Variants in CNTNAP2 observed in about 807,000 individuals in gnomAD.
CNTNAP2 encodes contactin-associated protein-like 2.
In CNTNAP2, 98 loss-of-function variants were observed where a neutral mutation model predicts 155.2. That is an observed-to-expected ratio of 0.63 (90% CI 0.54 to 0.75). CNTNAP2 has a LOEUF of 0.75. CNTNAP2 is among the 30% of genes least tolerant of loss of function. The pLI, the probability that CNTNAP2 is intolerant of heterozygous loss-of-function variation, is 0.00. For missense variants in CNTNAP2, 1,727 were observed against 1,688.1 expected (o/e 1.02, Z -0.40); for synonymous variants, 651 against 631.2 (o/e 1.03, Z -0.47).
At chr7:146,594,798 A>T (rs953889414) in intron 1 of CNTNAP2, among the ~76,000 whole-genome samples, 1 of 152,174 alleles carries the variant, frequency 6.6e-6, no homozygotes, top group Non-Finnish European at 1.5e-5. Flanking sequence ...ATATACTGAT[A>T]AATATTTAAT....
chr7:148,177,137 A>C (rs1794950647), intron 18 of CNTNAP2, among the ~76,000 whole-genome samples: 1 of 152,210 alleles, frequency 6.6e-6, no homozygotes, highest in Non-Finnish European at 1.5e-5. Context: ...TTCGTGGTTG[A>C]ATGCCATAGT....
chr7:148,034,985 G>A (rs71532713), intron 15 of CNTNAP2, among the ~76,000 whole-genome samples: 1 of 152,176 alleles, frequency 6.6e-6, no homozygotes, highest in Non-Finnish European at 1.5e-5. Flanking sequence ...TCATGCCCTA[G>A]GGCTTTATGG....
intron 13 of CNTNAP2, among the ~76,000 whole-genome samples, chr7:147,648,451 G>A (rs1292362737): frequency 6.6e-6 from 1 of 152,112 alleles, no homozygotes; most frequent in Non-Finnish European, 1.5e-5. Context: ...CTTACTGAAG[G>A]CTACCATATT....
chr7:147,528,436 C>T (rs576750033), intron 11 of CNTNAP2, among the ~76,000 whole-genome samples: 6 of 152,280 alleles, frequency 3.9e-5, no homozygotes, highest in African/African-American at 1.4e-4. Flanking sequence ...AGAGCATGAA[C>T]AGAACCTTAC....
intron 8 of CNTNAP2, among the ~76,000 whole-genome samples, chr7:147,254,516 T>A (rs1804277193): frequency 6.6e-6 from 1 of 151,216 alleles, no homozygotes; most frequent in African/African-American, 2.4e-5. Context: ...TTTGGTTGAT[T>A]TTTTTTTTCT....
rs1796786995 is a variant in CNTNAP2 at position 146,470,818 on chromosome 7, T to C, written c.98-303453T>C. Among the ~76,000 whole-genome samples, 7 of 152,122 alleles carry C rather than the reference T, an allele frequency of 4.6e-5. 1 individual carries two copies. Among genetic ancestry groups the C allele is most frequent in the Admixed American group, 4.6e-4 (7 of 15,264 alleles). On this transcript the variant is annotated intron_variant, in intron 1 of 23. Transcript: ENST00000361727. Reference sequence around the variant, plus strand: ...CTCCTGACTTCATGATCCGCCTGCCTGGGCCTCCCAAAGTGCTGAGATTAC... The same window carrying C: ...CTCCTGACTTCATGATCCGCCTGCCCGGGCCTCCCAAAGTGCTGAGATTAC...
chr7:147,425,268 TA>T (rs5888255), intron 10 of CNTNAP2, among the ~76,000 whole-genome samples: 140,755 of 147,744 alleles, frequency 0.95, 67,024 homozygotes, highest in East Asian at 0.99. Flanking sequence ...CCATTGCCTT[TA>T]AAAAAAAAAA....
chr7:147,408,635 G>C (rs1378314541), intron 10 of CNTNAP2, among the ~76,000 whole-genome samples: 1 of 152,176 alleles, frequency 6.6e-6, no homozygotes, highest in East Asian at 1.9e-4. Context: ...GCGGGCGCCT[G>C]TAGTCCCAGC....
intron 11 of CNTNAP2, among the ~76,000 whole-genome samples, chr7:147,524,856 C>A (rs1799290202): frequency 6.6e-6 from 1 of 152,142 alleles, no homozygotes; most frequent in African/African-American, 2.4e-5. Flanking sequence ...GACACCAGGA[C>A]CAGTAGAAGC....
chr7:147,474,314 C>T (rs1798277965), intron 10 of CNTNAP2, among the ~76,000 whole-genome samples: 1 of 151,638 alleles, frequency 6.6e-6, no homozygotes, highest in African/African-American at 2.4e-5. Context: ...ACATTCTTGG[C>T]CGGGCACGGT....
chr7:146,936,353 C>T (rs956964131), intron 3 of CNTNAP2, among the ~76,000 whole-genome samples: 1 of 152,146 alleles, frequency 6.6e-6, no homozygotes, highest in Non-Finnish European at 1.5e-5. Context: ...TGTTTTTCTC[C>T]TGCAAACAGG....
chr7:147,989,405 A>T (rs1801673971), intron 15 of CNTNAP2, among the ~76,000 whole-genome samples: 1 of 152,220 alleles, frequency 6.6e-6, no homozygotes, highest in Admixed American at 6.5e-5. Context: ...TAATTGTAAC[A>T]TCACTGAGTT....
chr7:147,440,789 C>A (rs1303705123), intron 10 of CNTNAP2, among the ~76,000 whole-genome samples: 4 of 152,108 alleles, frequency 2.6e-5, no homozygotes, highest in African/African-American at 9.7e-5. Context: ...TCATACGACT[C>A]TCTTCTGGCC....
intron 19 of CNTNAP2, among the ~76,000 whole-genome samples, chr7:148,228,368 AG>A (rs1417021804): frequency 1.3e-5 from 2 of 152,218 alleles, no homozygotes; most frequent in African/African-American, 4.8e-5. Context: ...GAGGAAAAAA[AG>A]AATATACTGT....
At chr7:146,622,667 G>T (rs139049418) in intron 1 of CNTNAP2, among the ~76,000 whole-genome samples, 1 of 152,056 alleles carries the variant, frequency 6.6e-6, no homozygotes, top group East Asian at 1.9e-4. Flanking sequence ...TAATAAACGT[G>T]GATCCCAGGC....
intron 16 of CNTNAP2, among the ~76,000 whole-genome samples, chr7:148,125,702 G>GT (rs1169497898): frequency 0.01 from 1,243 of 124,080 alleles, 16 homozygotes; most frequent in East Asian, 0.02. Context: ...TATATATATA[G>GT]TTTTTTTTTT....
chr7:147,936,713 C>T (rs953564696), intron 14 of CNTNAP2, among the ~76,000 whole-genome samples: 1 of 152,132 alleles, frequency 6.6e-6, no homozygotes, highest in African/African-American at 2.4e-5. Context: ...GCTGCACCCC[C>T]ACTCACCTTG....
intron 13 of CNTNAP2, among the ~76,000 whole-genome samples, chr7:147,899,058 A>T (rs1799818407): frequency 6.6e-6 from 1 of 151,064 alleles, no homozygotes. Flanking sequence ...AGTCAAATCC[A>T]GCTGAATGTG....
intron 13 of CNTNAP2, among the ~76,000 whole-genome samples, chr7:147,714,993 G>A (rs1730233553): frequency 6.6e-6 from 1 of 152,080 alleles, no homozygotes; most frequent in African/African-American, 2.4e-5. Context: ...GTTCACGCAA[G>A]ATGTTGTGTG....
Sources: gnomAD v4.1 joint callset for allele counts (sites outside exome capture counted in the v4.1 genomes callset) on GRCh38, gnomAD v4.1.1 for gene constraint, MANE v1.5 for transcripts, NCBI Gene and HGNC (gene_info 2026-07-23, HGNC 2026-07-21) for gene names.